Variants in CDH4 observed in about 807,000 individuals in gnomAD.
CDH4 encodes the protein cadherin-4.
In CDH4, 33 loss-of-function variants were observed where a neutral mutation model predicts 86.0. The ratio of observed to expected loss-of-function variants is 0.38; its 90% CI spans 0.29 to 0.51. The LOEUF is 0.51. Ranked by LOEUF, CDH4 falls within the 20% of genes least tolerant of loss-of-function variation. The pLI is 0.86. For missense variants in CDH4, 1,114 were observed against 1,307.4 expected (o/e 0.85, Z 2.28); for synonymous variants, 555 against 549.4 (o/e 1.01, Z -0.14).
chr20:61,927,381 T>C (rs2055056014), intron 11 of CDH4, among the ~76,000 whole-genome samples: 1 of 152,096 alleles, frequency 6.6e-6, no homozygotes, highest in South Asian at 2.1e-4. Context: ...CCTGAGGAGC[T>C]CTGGGGGCTC....
At chr20:61,553,246 CAGAA>C (rs2145676065) in intron 2 of CDH4, among the ~76,000 whole-genome samples, 2 of 152,264 alleles carry the variant, frequency 1.3e-5, no homozygotes, top group East Asian at 3.9e-4. Flanking sequence ...TCTGCAGAAA[CAGAA>C]AGTATTTTAT....
Position 61,456,406 on chromosome 20 carries a change from G to A in CDH4, c.169+201469G>A, listed in dbSNP as rs554886150. On this transcript the variant is annotated intron_variant, in intron 2 of 15. Coordinates refer to ENST00000614565, the MANE Select transcript of CDH4 (RefSeq NM_001794.5). Reference sequence around the variant, plus strand: ...ACGGCTGATTTTGACCCCCCAGTGGGCATTTATAAATCCCTAGGGATATTT... The same window carrying A: ...ACGGCTGATTTTGACCCCCCAGTGGACATTTATAAATCCCTAGGGATATTT... Among the ~76,000 whole-genome samples the A allele has an allele frequency of 2.0e-5, 3 of 152,282 alleles. No homozygotes were observed. The South Asian group carries it at 6.2e-4, about 32-fold the overall frequency.
intron 2 of CDH4, among the ~76,000 whole-genome samples, chr20:61,597,723 T>A (rs945270209): frequency 6.6e-5 from 10 of 152,258 alleles, no homozygotes; most frequent in African/African-American, 2.2e-4. Context: ...CTTCAGCGAC[T>A]CTCACAGGAG....
intron 2 of CDH4, among the ~76,000 whole-genome samples, chr20:61,664,520 C>A (rs574118894): frequency 3.0e-4 from 45 of 152,332 alleles, no homozygotes; most frequent in South Asian, 1.5e-3. Context: ...GGCTGGGAGC[C>A]GGGCCCAGGA....
intron 5 of CDH4, 112 bp downstream of exon 5, chr20:61,844,935 C>G (rs1478742405): frequency 3.6e-6 from 4 of 1,111,572 alleles, no homozygotes; most frequent in East Asian, 5.3e-5. Context: ...CTACAGGCAG[C>G]ACTCCAACTT....
intron 2 of CDH4, among the ~76,000 whole-genome samples, chr20:61,443,782 G>T (rs1317365430): frequency 1.3e-5 from 2 of 151,474 alleles, no homozygotes; most frequent in East Asian, 3.9e-4. Flanking sequence ...TGTGTGTGTG[G>T]ATCTGTGTAT....
chr20:61,285,992 C>A (rs1452753010), intron 2 of CDH4, among the ~76,000 whole-genome samples: 2 of 152,182 alleles, frequency 1.3e-5, no homozygotes, highest in Non-Finnish European at 2.9e-5. Flanking sequence ...GTGCTGGCTT[C>A]TTTTCCTTCC....
chr20:61,538,454 G>A (rs1040913535), intron 2 of CDH4, among the ~76,000 whole-genome samples: 7 of 151,886 alleles, frequency 4.6e-5, no homozygotes, highest in South Asian at 2.1e-4. Flanking sequence ...ACCCAGAGCC[G>A]GAAACCCAGG....
Position 61,252,699 on chromosome 20 carries a change from T to G in CDH4, c.57+129T>G. 4.8e-6 allele frequency: 2 copies of G among 412,498 alleles called. No homozygotes were observed. Among genetic ancestry groups the G allele is most frequent in the Non-Finnish European group, 7.2e-6 (2 of 276,438 alleles). The allele number at this position is 412,498 out of a possible 1,614,324, so 25.6% of individuals were successfully genotyped here. The stretch of plus-strand genomic sequence containing the variant: ...CTCCCCCGCCGCGCTCCCCGCTGCA[T>G]CCAGCCCGGCGCCCGCGCTCGGCGA... On this transcript the variant is annotated intron_variant, in intron 1 of 15. Transcript: ENST00000614565. The surrounding 1 kb of genome is among the most constrained non-coding windows in gnomAD (Gnocchi z 4.4).
intron 2 of CDH4, among the ~76,000 whole-genome samples, chr20:61,727,068 C>T (rs968743679): frequency 6.6e-5 from 10 of 152,138 alleles, no homozygotes; most frequent in Non-Finnish European, 1.5e-4. Flanking sequence ...TCACTGCCAT[C>T]TTCACCATTG....
At chr20:61,630,226 T>C (rs568025533) in intron 2 of CDH4, among the ~76,000 whole-genome samples, 3 of 152,190 alleles carry the variant, frequency 2.0e-5, no homozygotes, top group African/African-American at 4.8e-5. Context: ...TTGGTGTGTG[T>C]GCAGCGCATG....
rs73915380 is a variant in CDH4 at position 61,735,303 on chromosome 20, G to A, written c.170-8260G>A. Among the ~76,000 whole-genome samples, 719 of 152,302 alleles carry A rather than the reference G, an allele frequency of 4.7e-3. 8 individuals carry two copies. Among genetic ancestry groups the A allele is most frequent in the African/African-American group, 0.017 (692 of 41,572 alleles). Reference sequence around the variant, plus strand: ...AAAACTGAAGTAAAATTCACATAACGTAAATGTCCCCATTTTCAGGCATAC... The same window carrying A: ...AAAACTGAAGTAAAATTCACATAACATAAATGTCCCCATTTTCAGGCATAC... On this transcript the variant is annotated intron_variant, in intron 2 of 15. Transcript: ENST00000614565.
intron 2 of CDH4, among the ~76,000 whole-genome samples, chr20:61,255,929 C>T (rs1178847870): frequency 1.3e-5 from 2 of 152,142 alleles, no homozygotes; most frequent in Non-Finnish European, 2.9e-5. Flanking sequence ...TTATTTTGCA[C>T]CGAATCCAAG....
At chr20:61,911,818 T>A (rs1314721289) in intron 9 of CDH4, among the ~76,000 whole-genome samples, 1 of 152,286 alleles carries the variant, frequency 6.6e-6, no homozygotes, top group African/African-American at 2.4e-5. Flanking sequence ...AGCTTAAAGC[T>A]GGATAGGATA....
chr20:61,410,239 C>T (rs1442640604), intron 2 of CDH4, among the ~76,000 whole-genome samples: 1 of 152,130 alleles, frequency 6.6e-6, no homozygotes, highest in Non-Finnish European at 1.5e-5. Context: ...CCCACCCATC[C>T]ATTCATCCAC....
At chr20:61,532,457 C>A (rs2085962690) in intron 2 of CDH4, among the ~76,000 whole-genome samples, 1 of 152,144 alleles carries the variant, frequency 6.6e-6, no homozygotes, top group Admixed American at 6.5e-5. Context: ...AAATCTGACC[C>A]CACTCCTTAT....
At chr20:61,822,407 G>A (rs931750311) in intron 4 of CDH4, among the ~76,000 whole-genome samples, 4 of 152,198 alleles carry the variant, frequency 2.6e-5, no homozygotes, top group Non-Finnish European at 5.9e-5. Flanking sequence ...TTATTATGGT[G>A]CTAAAATAAA....
chr20:61,362,171 G>A (rs1453423812), intron 2 of CDH4, among the ~76,000 whole-genome samples: 1 of 152,246 alleles, frequency 6.6e-6, no homozygotes, highest in East Asian at 1.9e-4. Flanking sequence ...TGAGGAAGAA[G>A]AAAGGTCCAG....
rs555088671 is a variant in CDH4 at position 61,377,437 on chromosome 20, C to T, written c.169+122500C>T. Among the ~76,000 whole-genome samples, 23 of 152,288 alleles carry T rather than the reference C, an allele frequency of 1.5e-4. No individual in the cohort carries two copies. The highest frequency in any genetic ancestry group is 1.0e-4 in the Non-Finnish European group (7 of 68,022). On this transcript the variant is annotated intron_variant, in intron 2 of 15. Transcript: ENST00000614565. This position sits in a 1 kb window ranked among gnomAD's most constrained non-coding sequence, Gnocchi z 4.0. Reference sequence around the variant, plus strand: ...TGCCCCATTTCCTTCATCCTCTCTCCACCTCCCTGGTGCCTTTCCTGAGTG... The same window carrying T: ...TGCCCCATTTCCTTCATCCTCTCTCTACCTCCCTGGTGCCTTTCCTGAGTG...
Sources: allele counts gnomAD v4.1 joint callset (sites outside exome capture counted in the v4.1 genomes callset), GRCh38; gene constraint gnomAD v4.1.1; non-coding constraint Gnocchi (gnomAD v3.1); transcripts MANE v1.5; gene names NCBI Gene and HGNC (gene_info 2026-07-23, HGNC 2026-07-21).